RNF17: variants seen among roughly 807,000 people sequenced by gnomAD.
RNF17 encodes ring finger protein 17, also known as spermatogenesis associated 23.
In RNF17, 31 loss-of-function variants were observed where a neutral mutation model predicts 200.5. The ratio of observed to expected loss-of-function variants is 0.15; its 90% CI spans 0.12 to 0.21. The LOEUF is 0.21. Among genes scored for constraint, RNF17 ranks in the 10% least tolerant of loss-of-function variants. The probability of loss-of-function intolerance (pLI) is 1.00; values close to 1 mark genes in which losing one functional copy is unlikely to be tolerated. For synonymous variants in RNF17, 606 were observed against 637.8 expected (o/e 0.95, Z 0.75); for missense variants, 1,628 against 1,905.1 (o/e 0.85, Z 2.71).
At chr13:24,804,206 T>C in intron 14 of RNF17, 82 bp from the exon 15 acceptor site, 1 of 1,301,298 alleles carries the variant, frequency 7.7e-7, no homozygotes, top group Non-Finnish European at 1.1e-6. Context: ...GAGGCTGCAG[T>C]GAGCCATGAT....
intron 22 of RNF17, among the ~76,000 whole-genome samples, chr13:24,846,575 T>C (rs1343756142): frequency 1.3e-5 from 2 of 152,240 alleles, no homozygotes; most frequent in African/African-American, 4.8e-5. Flanking sequence ...TCCAAATCAC[T>C]TGGGGTAGCT....
chr13:24,798,533 A>T (rs1884872906), intron 11 of RNF17, among the ~76,000 whole-genome samples: 1 of 152,172 alleles, frequency 6.6e-6, no homozygotes, highest in Admixed American at 6.5e-5. Context: ...AGAATTTACC[A>T]GATTCATTTC....
chr13:24,850,734 A>G (rs182563179), intron 23 of RNF17, among the ~76,000 whole-genome samples: 67 of 152,330 alleles, frequency 4.4e-4, no homozygotes, highest in Admixed American at 2.5e-3. Flanking sequence ...CATATGAAGC[A>G]GAATATATGT....
rs1192577538 is a variant in RNF17, at chr13:24,796,143, C to A, written c.1247C>A (p.Ala416Glu). 1 of 1,601,762 alleles carries A rather than the reference C, an allele frequency of 6.2e-7. No individual in the cohort carries two copies. Among genetic ancestry groups the A allele is most frequent in the Non-Finnish European group, 8.5e-7 (1 of 1,174,800 alleles). Residue 416 changes from alanine (A) to glutamate (E), a missense_variant, in exon 11 of 36, where the codon GCA (alanine) becomes GAA (glutamate). By Grantham distance (107) the Ala-to-Glu change is moderately radical. Coordinates refer to ENST00000255324, the MANE Select transcript of RNF17 (RefSeq NM_031277.3). ...CTTAAACATTTTTATCCAGGTTCTGCAGAGCTAGTTTTTGTAAGCCATGTA... is the reference window on the plus strand; with the variant it reads ...CTTAAACATTTTTATCCAGGTTCTGAAGAGCTAGTTTTTGTAAGCCATGTA... Reference protein sequence around the residue: ...EIIEDNVESSAELVFVSHVID... With the variant: ...EIIEDNVESSEELVFVSHVID...
the RNF17 span, among the ~76,000 whole-genome samples, chr13:24,748,659 T>A: frequency 2.0e-5 from 3 of 152,180 alleles, no homozygotes; most frequent in Non-Finnish European, 2.9e-5. Flanking sequence ...CAGGGATAAG[T>A]GTTTTGCAAC....
intron 15 of RNF17, among the ~76,000 whole-genome samples, chr13:24,818,129 TTTC>T (rs1181108279): frequency 6.6e-6 from 1 of 152,154 alleles, no homozygotes; most frequent in Non-Finnish European, 1.5e-5. Context: ...TCTCTTAGGA[TTTC>T]TTCTTTGACC....
intron 22 of RNF17, among the ~76,000 whole-genome samples, chr13:24,845,405 G>A (rs536274851): frequency 1.3e-5 from 2 of 152,290 alleles, no homozygotes; most frequent in East Asian, 3.9e-4. Context: ...GTGAATTTGT[G>A]GAGGATTCTG....
chr13:24,876,366 T>G (rs959534274), intron 33 of RNF17, among the ~76,000 whole-genome samples: 1 of 152,232 alleles, frequency 6.6e-6, no homozygotes, highest in African/African-American at 2.4e-5. Context: ...CTTTTGGGTC[T>G]TGTGAATAAT....
At position 24,764,332 on chromosome 13, in the gene RNF17, C is replaced by A. The variant is rs780185432; in HGVS notation, c.129C>A (p.Ser43=). ...GTGGAAGGAGGGTATCCAGATCATC[C>A]GGTGAGGAGCCCAAGGGCCCACCTA... is the stretch of plus-strand genomic sequence containing the variant. The part of the protein sequence containing the change: ...TRCGRRVSRS[S]GHHCELQCGH... Residue 43 remains serine (S), a splice_region_variant and synonymous_variant, in exon 1 of 36, where the codon TCC becomes TCA. Coordinates refer to ENST00000255324, the MANE Select transcript of RNF17 (RefSeq NM_031277.3). 7 of 1,595,010 alleles carry A rather than the reference C, an allele frequency of 4.4e-6. No homozygotes were observed. Among genetic ancestry groups the A allele is most frequent in the Middle Eastern group, 1.8e-4 (1 of 5,562 alleles).
chr13:24,801,127 G>A (rs1885199888), intron 13 of RNF17, among the ~76,000 whole-genome samples: 1 of 152,098 alleles, frequency 6.6e-6, no homozygotes, highest in South Asian at 2.1e-4. Context: ...TAAAAAAAAG[G>A]AAACACAAAA....
In RNF17 at chr13:24,868,639, CCAT is replaced by C. The variant is rs1893937145; in HGVS notation, c.4202_4204del (p.Pro1401_Tyr1402delinsHis). Reference sequence around the variant, plus strand: ...TGAAACAGACACTCCTCTTTTACCACCATATTTGTCTTCATCTCTGCCTTCCCC... The same window carrying C: ...TGAAACAGACACTCCTCTTTTACCACATTTGTCTTCATCTCTGCCTTCCCC... On this transcript the variant is annotated inframe_deletion, in exon 31 of 36. Coordinates refer to ENST00000255324, the MANE Select transcript of RNF17 (RefSeq NM_031277.3). The C allele has an allele frequency of 6.2e-7, 1 of 1,610,298 alleles. No individual in the cohort carries two copies. Among genetic ancestry groups the C allele is most frequent in the Non-Finnish European group, 8.5e-7 (1 of 1,176,696 alleles).
downstream of RNF17, chr13:24,882,874 G>T (rs886050094): frequency 1.8e-3 from 655 of 360,576 alleles, 2 homozygotes; most frequent in Non-Finnish European, 2.6e-3. Context: ...GTACTTCTTG[G>T]TTTTTTTTTA....
At chr13:24,866,322 C>T (rs930854448) in intron 30 of RNF17, 119 bp downstream of exon 30, 2 of 573,434 alleles carry the variant, frequency 3.5e-6, no homozygotes, top group Middle Eastern at 4.7e-4. Flanking sequence ...ATAGAATTTA[C>T]CTATTGAATA....
the RNF17 span, among the ~76,000 whole-genome samples, chr13:24,752,346 C>T: frequency 1.3e-5 from 2 of 152,206 alleles, no homozygotes; most frequent in African/African-American, 4.8e-5. Flanking sequence ...CCATCCACAG[C>T]TGAAGGGATA....
intron 18 of RNF17, 23 bp downstream of exon 18, chr13:24,832,001 AT>A: frequency 1.4e-6 from 2 of 1,433,478 alleles, no homozygotes; most frequent in Non-Finnish European, 1.9e-6. Flanking sequence ...TTTACTTGTT[AT>A]GTAATCACAT....
At chr13:24,767,739 T>C (rs1482361948) in intron 2 of RNF17, among the ~76,000 whole-genome samples, 1 of 134,234 alleles carries the variant, frequency 7.4e-6, no homozygotes, top group African/African-American at 2.9e-5. Flanking sequence ...AGAGCAAGAC[T>C]CCATCTCAAA....
chr13:24,876,640 CT>C (rs34711151), intron 33 of RNF17, among the ~76,000 whole-genome samples: 35,086 of 152,052 alleles, frequency 0.23, 4,507 homozygotes, highest in Non-Finnish European at 0.29. Context: ...TGGAGTCTCA[CT>C]TTGGATTTGA....
intron 9 of RNF17, among the ~76,000 whole-genome samples, chr13:24,791,612 A>C (rs1883870757): frequency 1.3e-5 from 2 of 152,124 alleles, no homozygotes; most frequent in African/African-American, 4.8e-5. Flanking sequence ...AAGAGAAATA[A>C]GTTCTTTCAT....
At chr13:24,873,994 T>C in intron 32 of RNF17, 120 bp from the exon 33 acceptor site, 1 of 930,836 alleles carries the variant, frequency 1.1e-6, no homozygotes, top group Non-Finnish European at 1.6e-6. Flanking sequence ...ATCTTGGCTA[T>C]TGTGAATAGT....
Sources: allele counts gnomAD v4.1 joint callset (sites outside exome capture counted in the v4.1 genomes callset), GRCh38; gene constraint gnomAD v4.1.1; transcripts MANE v1.5; gene names NCBI Gene and HGNC (gene_info 2026-07-23, HGNC 2026-07-21).